STEAP3: variants seen among roughly 807,000 people sequenced by gnomAD.
STEAP3 encodes the protein STEAP3 metalloreductase.
Under a neutral mutation model 34.9 loss-of-function variants are expected in STEAP3, and 35 were observed. The ratio of observed to expected loss-of-function variants is 1.00; its 90% CI spans 0.76 to 1.33. The LOEUF (loss-of-function observed/expected upper bound fraction) is 1.33, where lower values mean the gene tolerates loss of function less well. STEAP3 is among the 40% of genes most tolerant of loss of function. The pLI is 0.00. For synonymous variants in STEAP3, 281 were observed against 301.6 expected (o/e 0.93, Z 0.71); for missense variants, 652 against 667.6 (o/e 0.98, Z 0.26).
At position 119,247,859 on chromosome 2, in the gene STEAP3, T is replaced by C. The variant is rs1391774783; in HGVS notation, c.703T>C (p.Cys235Arg). 3.1e-6 allele frequency: 5 copies of C among 1,613,634 alleles called. No individual in the cohort carries two copies. Among genetic ancestry groups the C allele is most frequent in the Non-Finnish European group, 4.2e-6 (5 of 1,180,014 alleles). ...CCTGCTGGCCCTGGGGCTCTTCGTC[T>C]GCTTCTATGCCTACAACTTCGTCCG... ...PTLLALGLFV[C>R]FYAYNFVRDV... Residue 235 changes from cysteine to arginine, a missense_variant, in exon 4 of 6, where the codon TGC (cysteine) becomes CGC (arginine). Coordinates refer to ENST00000393110, the MANE Select transcript of STEAP3 (RefSeq NM_182915.3).
chr2:119,254,753 G>A lies in STEAP3; in HGVS notation c.1120G>A (p.Gly374Arg), dbSNP rs868436103. ...VWRMEIYLSL[G>R]VLALGTLSLL... ...GCGGATGGAGATCTACCTCTCCCTG[G>A]GAGTGCTGGCCCTCGGCACGTTGTC... Residue 374 changes from glycine (G) to arginine (R), a missense_variant, in exon 5 of 6, where the codon GGA becomes AGA. Coordinates refer to ENST00000393110, the MANE Select transcript of STEAP3 (RefSeq NM_182915.3). 6.2e-7 allele frequency: 1 copy of A among 1,614,150 alleles called. No individual in the cohort carries two copies. The highest frequency in any genetic ancestry group is 8.5e-7 in the Non-Finnish European group (1 of 1,180,024).
chr2:119,244,669 C>G (rs373874930), intron 2 of STEAP3: 59 of 152,172 alleles, frequency 3.9e-4, no homozygotes, highest in African/African-American at 1.3e-3. Context: ...AAGGAAATAG[C>G]AAATTTTAGT....
intron 5 of STEAP3, 104 bp downstream of exon 5, chr2:119,254,952 C>T: frequency 7.2e-7 from 1 of 1,386,074 alleles, no homozygotes; most frequent in Non-Finnish European, 9.8e-7. Flanking sequence ...TGATCATCTG[C>T]ACAGCAGGAC....
intron 2 of STEAP3, among the ~76,000 whole-genome samples, chr2:119,239,204 T>G (rs1229551098): frequency 6.6e-6 from 1 of 152,282 alleles, no homozygotes; most frequent in East Asian, 1.9e-4. Flanking sequence ...CAGATCCAGG[T>G]CCTTCCTCTT....
intron 2 of STEAP3, among the ~76,000 whole-genome samples, chr2:119,240,392 C>G (rs1299100208): frequency 6.6e-6 from 1 of 152,248 alleles, no homozygotes; most frequent in African/African-American, 2.4e-5. Context: ...GTGCCACAGC[C>G]AGCCTCTGAT....
At chr2:119,245,423 G>T in intron 2 of STEAP3, 66 bp from the exon 3 acceptor site, 2 of 1,519,156 alleles carry the variant, frequency 1.3e-6, no homozygotes, top group Non-Finnish European at 1.8e-6. Context: ...TGTATAAGAG[G>T]AGGGAGGTGG....
intron 2 of STEAP3, among the ~76,000 whole-genome samples, chr2:119,235,441 C>T (rs1558744252): frequency 6.6e-6 from 1 of 152,234 alleles, no homozygotes. Flanking sequence ...AACTGAGTTG[C>T]TCTTGCATGC....
chr2:119,234,651 A>G (rs530874264), intron 2 of STEAP3, among the ~76,000 whole-genome samples: 1 of 152,348 alleles, frequency 6.6e-6, no homozygotes, highest in South Asian at 2.1e-4. Flanking sequence ...TCTGGGAATA[A>G]CAAATAAGAG....
In STEAP3 at chr2:119,265,528, A is replaced by C. The variant is rs1678084591; in HGVS notation, c.*2190A>C. The C allele has an allele frequency of 6.6e-6, 1 of 152,052 alleles. No individual in the cohort carries two copies. The highest frequency in any genetic ancestry group is 1.5e-5 in the Non-Finnish European group (1 of 68,036). The allele number at this position is 152,052 out of a possible 1,614,324, so 9.4% of individuals were successfully genotyped here. A position where few individuals can be genotyped will look rare whatever the true frequency, so the allele number is the denominator to read the frequency against. On this transcript the variant is annotated 3_prime_UTR_variant, in exon 6 of 6. Coordinates refer to ENST00000393110, the MANE Select transcript of STEAP3 (RefSeq NM_182915.3). ...AGTGCCTCAACGACATGCTCTGGAA[A>C]TCCCAAATGCCACAGTCTGAGGTTG...
At chr2:119,231,173 C>A in intron 2 of STEAP3, 139 bp downstream of exon 2, 1 of 1,107,754 alleles carries the variant, frequency 9.0e-7, no homozygotes, top group East Asian at 2.6e-5. Flanking sequence ...CTCGACACCT[C>A]CCAGAGATCT....
intron 2 of STEAP3, among the ~76,000 whole-genome samples, chr2:119,243,005 G>A (rs56681155): frequency 0.012 from 1,834 of 152,236 alleles, 33 homozygotes; most frequent in African/African-American, 0.04. Context: ...AGAAAATACT[G>A]TCTCCTATTC....
At chr2:119,236,730 C>T (rs112640901) in intron 2 of STEAP3, among the ~76,000 whole-genome samples, 1,737 of 152,270 alleles carry the variant, frequency 0.011, 45 homozygotes, top group South Asian at 0.091. Flanking sequence ...AAACCCTCAG[C>T]CATGTGGGTG....
intron 2 of STEAP3, among the ~76,000 whole-genome samples, chr2:119,237,164 A>G (rs1214953413): frequency 1.3e-5 from 2 of 152,210 alleles, no homozygotes; most frequent in East Asian, 3.8e-4. Flanking sequence ...AAACATTTGA[A>G]TGCTCTGGAT....
chr2:119,257,586 T>G lies in STEAP3; in HGVS notation c.1215+2738T>G, dbSNP rs145825095. Reference sequence around the variant, plus strand: ...CCTAGGCCCTCGGAGCTTCTGCTGCTCACTTGTGCCTGTGTCCACCCCATA... The same window carrying G: ...CCTAGGCCCTCGGAGCTTCTGCTGCGCACTTGTGCCTGTGTCCACCCCATA... On this transcript the variant is annotated intron_variant, in intron 5 of 5. Coordinates refer to ENST00000393110, the MANE Select transcript of STEAP3 (RefSeq NM_182915.3). The G allele has an allele frequency of 1.2e-3, 1,876 of 1,540,958 alleles. 1 individual carries two copies. The highest frequency in any genetic ancestry group is 1.1e-3 in the Non-Finnish European group (1,274 of 1,142,084).
chr2:119,256,658 G>T (rs1677782555), intron 5 of STEAP3, among the ~76,000 whole-genome samples: 1 of 151,946 alleles, frequency 6.6e-6, no homozygotes, highest in African/African-American at 2.4e-5. Context: ...GCAAGAGCAG[G>T]GGGGGTTAGG....
chr2:119,256,721 A>G (rs1677784515), intron 5 of STEAP3, among the ~76,000 whole-genome samples: 1 of 152,190 alleles, frequency 6.6e-6, no homozygotes, highest in Admixed American at 6.5e-5. Flanking sequence ...CCTTCCATCC[A>G]CAAAAACCAG....
intron 3 of STEAP3, among the ~76,000 whole-genome samples, chr2:119,247,135 C>T (rs887281599): frequency 3.3e-5 from 5 of 152,038 alleles, no homozygotes; most frequent in Admixed American, 6.5e-5. Flanking sequence ...GTCAGAGCAG[C>T]GGGCTTCAAG....
At chr2:119,247,586 C>T (rs1677468660) in intron 3 of STEAP3, 93 bp from the exon 4 acceptor site, 9 of 1,382,756 alleles carry the variant, frequency 6.5e-6, no homozygotes, top group Non-Finnish European at 5.7e-6. Flanking sequence ...AGTCCCTGCC[C>T]CTCTGGCCCT....
chr2:119,244,811 C>T (rs1573557023), intron 2 of STEAP3: 4 of 152,246 alleles, frequency 2.6e-5, no homozygotes, highest in Admixed American at 6.5e-5. Flanking sequence ...AGGGCACCCA[C>T]TCTATCTTAG....
Sources: allele counts gnomAD v4.1 joint callset (sites outside exome capture counted in the v4.1 genomes callset), GRCh38; gene constraint gnomAD v4.1.1; transcripts MANE v1.5; gene names NCBI Gene and HGNC (gene_info 2026-07-23, HGNC 2026-07-21).